The following SND1 variants were observed in gnomAD, a reference collection of about 807,000 sequenced individuals.
SND1 encodes the protein staphylococcal nuclease and tudor domain containing 1.
In SND1, 38 loss-of-function variants were observed where a neutral mutation model predicts 121.7. The ratio of observed to expected loss-of-function variants is 0.31; its 90% CI spans 0.24 to 0.41. The LOEUF (loss-of-function observed/expected upper bound fraction) is 0.41. SND1 is among the 10% of genes least tolerant of loss of function. The pLI, the probability that SND1 is intolerant of heterozygous loss-of-function variation, is 1.00. For synonymous variants in SND1, 401 were observed against 447.4 expected (o/e 0.90, Z 1.31); for missense variants, 868 against 1,184.6 (o/e 0.73, Z 3.92).
intron 11 of SND1, among the ~76,000 whole-genome samples, chr7:127,823,415 T>G (rs894322759): frequency 1.3e-5 from 2 of 152,114 alleles, no homozygotes; most frequent in East Asian, 3.9e-4. Flanking sequence ...CTTTTCTGAG[T>G]TTCTTGACAC....
At chr7:127,679,449 ATATAAT>A (rs1195311058) in intron 1 of SND1, among the ~76,000 whole-genome samples, 1 of 152,054 alleles carries the variant, frequency 6.6e-6, no homozygotes, top group Non-Finnish European at 1.5e-5. Context: ...TTTTTTTTAG[ATATAAT>A]TAACATACCA....
intron 13 of SND1, among the ~76,000 whole-genome samples, chr7:127,892,179 A>T (rs1229913030): frequency 6.6e-6 from 1 of 152,134 alleles, no homozygotes; most frequent in Non-Finnish European, 1.5e-5. Flanking sequence ...TGTCTGACTT[A>T]GGTCAGCACA....
At chr7:127,772,399 G>A (rs1043841050) in intron 10 of SND1, among the ~76,000 whole-genome samples, 5 of 152,290 alleles carry the variant, frequency 3.3e-5, no homozygotes, top group African/African-American at 9.6e-5. Flanking sequence ...CAGTCCTAGA[G>A]AGATGCTTCT....
chr7:127,662,869 C>T (rs1046776447), intron 1 of SND1, among the ~76,000 whole-genome samples: 1 of 151,370 alleles, frequency 6.6e-6, no homozygotes, highest in African/African-American at 2.4e-5. Context: ...TTGCACATAA[C>T]CCGTGCACAA....
chr7:127,677,995 T>C (rs1795644206), intron 1 of SND1, among the ~76,000 whole-genome samples: 1 of 152,212 alleles, frequency 6.6e-6, no homozygotes, highest in Admixed American at 6.5e-5. Context: ...TTGGTATGAT[T>C]TGGGACAGCC....
In SND1 at chr7:127,796,364, A is replaced by G. The variant is rs545241037; in HGVS notation, c.1153-11120A>G. Among the ~76,000 whole-genome samples, 130 of 152,220 alleles carry G rather than the reference A, an allele frequency of 8.5e-4. 2 individuals are homozygous for G. The highest frequency in any genetic ancestry group is 3.1e-3 in the African/African-American group (127 of 41,536). ...TAAATCCCATAATCACAAGAAATAG[A>G]GTTTTAGTTGTCAAAAATAAATTTT... On this transcript the variant is annotated intron_variant, in intron 10 of 23. Transcript: ENST00000354725.
In SND1 at chr7:127,839,947, T is replaced by G. The variant is rs1213352962; in HGVS notation, c.1243-4377T>G. On this transcript the variant is annotated intron_variant, in intron 11 of 23. Coordinates refer to ENST00000354725, the MANE Select transcript of SND1 (RefSeq NM_014390.4). ...TTTACTATATAAAACAGCAGAATGATCAACAGCTTGACAAAATGGTCCTCA... is the reference window on the plus strand; with the variant it reads ...TTTACTATATAAAACAGCAGAATGAGCAACAGCTTGACAAAATGGTCCTCA... Among the ~76,000 whole-genome samples, 5 of 152,220 alleles carry G rather than the reference T, an allele frequency of 3.3e-5. No individual in the cohort carries two copies. The East Asian group carries it at 7.7e-4, about 23-fold the overall frequency.
chr7:127,803,129 G>T (rs1253029620), intron 10 of SND1, among the ~76,000 whole-genome samples: 1 of 152,110 alleles, frequency 6.6e-6, no homozygotes, highest in Admixed American at 6.5e-5. Context: ...GCTGCCTCCC[G>T]CTCCTGCATT....
Position 127,675,277 on chromosome 7 carries a change from A to G in SND1, c.79-11336A>G, listed in dbSNP as rs111808017. Reference sequence around the variant, plus strand: ...CACTAGAGGTTTATACATTTACCCCAATAGTATATGTTTGATTCCTTTTTC... The same window carrying G: ...CACTAGAGGTTTATACATTTACCCCGATAGTATATGTTTGATTCCTTTTTC... On this transcript the variant is annotated intron_variant, in intron 1 of 23. Transcript: ENST00000354725. Among the ~76,000 whole-genome samples, 857 of 152,278 alleles carry G rather than the reference A, an allele frequency of 5.6e-3. 7 individuals are homozygous for G. The highest frequency in any genetic ancestry group is 0.019 in the African/African-American group (800 of 41,550).
At chr7:128,027,976 TTC>T (rs1803527921) in intron 16 of SND1, 1 of 152,442 alleles carries the variant, frequency 6.6e-6, no homozygotes, top group African/African-American at 2.4e-5. Flanking sequence ...TTCTAAGCAA[TTC>T]TGTCAGGCAA....
At chr7:127,825,501 A>G (rs1430545018) in intron 11 of SND1, among the ~76,000 whole-genome samples, 1 of 151,324 alleles carries the variant, frequency 6.6e-6, no homozygotes, top group African/African-American at 2.4e-5. Flanking sequence ...TCTGCCTCCC[A>G]GGTTCAAGCA....
At chr7:127,890,936 C>T (rs1296098811) in intron 13 of SND1, among the ~76,000 whole-genome samples, 4 of 152,094 alleles carry the variant, frequency 2.6e-5, no homozygotes, top group East Asian at 1.9e-4. Context: ...GTTGAGTAAA[C>T]GGAGAGAATT....
intron 9 of SND1, chr7:127,718,543 T>G: frequency 1.0e-5 from 10 of 985,228 alleles, no homozygotes; most frequent in African/African-American, 1.7e-5. Context: ...TAAACCTTGC[T>G]TAGCTGGCAG....
intron 12 of SND1, among the ~76,000 whole-genome samples, chr7:127,886,806 T>G (rs1237115346): frequency 7.3e-6 from 1 of 136,306 alleles, no homozygotes; most frequent in Non-Finnish European, 1.5e-5. Flanking sequence ...CCACATAGAG[T>G]GGCATCTCTC....
intron 10 of SND1, among the ~76,000 whole-genome samples, chr7:127,737,552 G>A (rs1262951110): frequency 2.0e-5 from 3 of 152,166 alleles, no homozygotes; most frequent in Non-Finnish European, 4.4e-5. Flanking sequence ...TCCAGCCTGG[G>A]CGATAAGAAT....
chr7:127,689,925 C>T (rs896071557), intron 2 of SND1, among the ~76,000 whole-genome samples: 12 of 142,298 alleles, frequency 8.4e-5, no homozygotes, highest in African/African-American at 2.9e-4. Context: ...CTCATTTTGA[C>T]TCCCCCACCC....
At chr7:127,912,357 T>C (rs1405059492) in intron 14 of SND1, among the ~76,000 whole-genome samples, 1 of 152,152 alleles carries the variant, frequency 6.6e-6, no homozygotes, top group Non-Finnish European at 1.5e-5. Flanking sequence ...GACTGAGTTG[T>C]GTTGTTTTTG....
intron 12 of SND1, among the ~76,000 whole-genome samples, chr7:127,845,790 A>G (rs549487833): frequency 3.0e-4 from 46 of 152,338 alleles, no homozygotes; most frequent in Middle Eastern, 3.4e-3. Context: ...TTAACATTCT[A>G]TTAGAATGGA....
At chr7:127,706,334 G>T (rs1309833338) in intron 8 of SND1, among the ~76,000 whole-genome samples, 1 of 127,762 alleles carries the variant, frequency 7.8e-6, no homozygotes, top group South Asian at 2.5e-4. Context: ...TCCACTTACT[G>T]CAACCTCTAC....
Sources: allele counts gnomAD v4.1 joint callset (sites outside exome capture counted in the v4.1 genomes callset), GRCh38; gene constraint gnomAD v4.1.1; transcripts MANE v1.5; gene names NCBI Gene and HGNC (gene_info 2026-07-23, HGNC 2026-07-21).